Variants in CERS1 observed in about 807,000 individuals in gnomAD.
CERS1 encodes the protein ceramide synthase 1.
CERS1 carries 16 observed loss-of-function variants against 35.7 expected under a neutral mutation model. The ratio of observed to expected loss-of-function variants is 0.45; its 90% CI spans 0.30 to 0.68. CERS1 has a LOEUF of 0.68. CERS1 is among the 30% of genes least tolerant of loss of function. The probability of loss-of-function intolerance (pLI) is 0.08; values close to 1 mark genes in which losing one functional copy is unlikely to be tolerated. For missense variants in CERS1, 454 were observed against 453.9 expected (o/e 1.00, Z 0.00); for synonymous variants, 243 against 201.6 (o/e 1.21, Z -1.74).
chr19:18,868,940 A>G lies in CERS1; in HGVS notation c.*1045T>C. 1 of 1,275,714 alleles carries G rather than the reference A, an allele frequency of 7.8e-7. No homozygotes were observed. Among genetic ancestry groups the G allele is most frequent in the Non-Finnish European group, 9.9e-7 (1 of 1,005,070 alleles). 79.0% of individuals were successfully genotyped at this position (1,275,714 alleles called of 1,614,324 possible). ...ACAAGCGCCCCCGGGGCCGCCGCCC[A>G]ACACGGGTTCGGCGTCGCGCCGCGG... On this transcript the variant is annotated 3_prime_UTR_variant, in exon 8 of 8. Transcript: ENST00000623882.
chr19:18,890,694 T>G (rs2146060416), intron 2 of CERS1, among the ~76,000 whole-genome samples: 1 of 150,830 alleles, frequency 6.6e-6, no homozygotes, highest in Admixed American at 6.7e-5. Flanking sequence ...GGTGGGATGA[T>G]TGCTTGAGCC....
At chr19:18,894,226 A>G (rs1462256073) in intron 1 of CERS1, among the ~76,000 whole-genome samples, 2 of 84,318 alleles carry the variant, frequency 2.4e-5, no homozygotes, top group Non-Finnish European at 4.4e-5. Flanking sequence ...GCTGGCTCCA[A>G]GGCAGGGGTT....
At chr19:18,880,891 G>A (rs1395600401) in intron 3 of CERS1, among the ~76,000 whole-genome samples, 1 of 152,100 alleles carries the variant, frequency 6.6e-6, no homozygotes, top group African/African-American at 2.4e-5. Context: ...TAGAGACTGG[G>A]TCTTGCTATG....
intron 3 of CERS1, chr19:18,883,343 A>G (rs1005668326): frequency 6.6e-6 from 1 of 152,176 alleles, no homozygotes; most frequent in Non-Finnish European, 1.5e-5. Context: ...TTAATTCAGT[A>G]TATCCAAAAT....
intron 6 of CERS1, among the ~76,000 whole-genome samples, chr19:18,872,496 C>CA (rs1479609762): frequency 1.3e-5 from 2 of 151,018 alleles, no homozygotes; most frequent in Non-Finnish European, 3.0e-5. Context: ...TACAGGCATG[C>CA]AACACCATGC....
intron 7 of CERS1, among the ~76,000 whole-genome samples, chr19:18,869,775 G>A (rs1268038365): frequency 2.0e-5 from 3 of 152,282 alleles, no homozygotes; most frequent in African/African-American, 7.2e-5. Context: ...CAAGCAGAAG[G>A]ACTGGTCTTG....
rs143965162 is a variant in CERS1 at position 18,880,571 on chromosome 19, C to T, written c.591-136G>A. The stretch of plus-strand genomic sequence containing the variant: ...CTCTTCAAAGCCACCCTTCCTGCCT[C>T]GCCTGCCCTGCCCATCTCCACTTCC... On this transcript the variant is annotated intron_variant, in intron 3 of 7. Transcript: ENST00000623882. 3.4e-3 allele frequency: 2,713 copies of T among 799,254 alleles called. 42 individuals are homozygous for T. The African/African-American group carries it at 0.04, about 12-fold the overall frequency. The allele number at this position is 799,254 out of a possible 1,614,324, so 49.5% of individuals were successfully genotyped here. A position where few individuals can be genotyped will look rare whatever the true frequency, so the allele number is the denominator to read the frequency against.
chr19:18,874,374 G>C (rs1056135722), intron 6 of CERS1, among the ~76,000 whole-genome samples: 10 of 152,184 alleles, frequency 6.6e-5, no homozygotes, highest in African/African-American at 2.4e-4. Context: ...TGCAGTCATG[G>C]CTCACTGCAG....
At chr19:18,871,550 G>A (rs544653206) in intron 6 of CERS1, among the ~76,000 whole-genome samples, 1 of 152,248 alleles carries the variant, frequency 6.6e-6, no homozygotes, top group East Asian at 1.9e-4. Flanking sequence ...TGTTTGTTGA[G>A]ATGAGGTCGC....
rs758556990 is a variant in CERS1, at chr19:18,884,087, C to T, written c.590G>A (p.Arg197Gln). The T allele has an allele frequency of 4.3e-6, 7 of 1,611,542 alleles. No homozygotes were observed. The highest frequency in any genetic ancestry group is 4.2e-6 in the Non-Finnish European group (5 of 1,178,514). ...CCCTGCCACCCGATCCTGTCCTTAC[C>T]GGAAGGCGTAGGAGGAGACGATGAG... ...LILIVSSYAF[R>Q]YHNVGILVLF... Residue 197 changes from arginine to glutamine, a missense_variant and splice_region_variant, in exon 3 of 8, where the codon CGG becomes CAG. By Grantham distance (43) the Arg-to-Gln change is conservative. Transcript: ENST00000623882.
rs2056597880 is a variant in CERS1 at position 18,895,299 on chromosome 19, G to C, written c.249+525C>G. On this transcript the variant is annotated intron_variant, in intron 1 of 7. Transcript: ENST00000623882. This position sits in a 1 kb window ranked among gnomAD's most constrained non-coding sequence, Gnocchi z 6.4. ...CCGCCGCACGGACCCAGCAGAAAAC[G>C]GGCAGCGGACCTCGCTCCGGGCCGG... 1.3e-5 allele frequency among the ~76,000 whole-genome samples: 2 copies of C among 152,206 alleles called. No homozygotes were observed. The highest frequency in any genetic ancestry group is 4.1e-4 in the South Asian group (2 of 4,838).
At chr19:18,871,951 C>T (rs2055978316) in intron 6 of CERS1, among the ~76,000 whole-genome samples, 1 of 152,224 alleles carries the variant, frequency 6.6e-6, no homozygotes, top group African/African-American at 2.4e-5. Flanking sequence ...TGCATCGACA[C>T]CTTTGGTATA....
chr19:18,876,536 TTG>T lies in CERS1; in HGVS notation c.1010+2392_1010+2393del, dbSNP rs60266196. ...TTTGTTTTGTTTTGTTTTGATTGGGTTGTGTGTGTGTGTGTGTGTGTGTGTGT... is the reference window on the plus strand; with the variant it reads ...TTTGTTTTGTTTTGTTTTGATTGGGTTGTGTGTGTGTGTGTGTGTGTGTGT... On this transcript the variant is annotated intron_variant, in intron 6 of 7. Transcript: ENST00000623882. 6.6e-4 allele frequency among the ~76,000 whole-genome samples: 95 copies of T among 143,228 alleles called. 1 individual carries two copies. Among genetic ancestry groups the T allele is most frequent in the South Asian group, 2.9e-3 (13 of 4,480 alleles). The allele number at this position is 143,228 out of a possible 152,430, so 94.0% of individuals were successfully genotyped here. A position where few individuals can be genotyped will look rare whatever the true frequency, so the allele number is the denominator to read the frequency against.
rs1254662181 is a variant in CERS1 at position 18,896,100 on chromosome 19, G to C, written c.-28C>G. ...CGCCCGCTCGCCCGCCGTGCCCGTC[G>C]CCTGCGCCCGCCCGCGGTAGCCGAC... On this transcript the variant is annotated 5_prime_UTR_variant, in exon 1 of 8. Coordinates refer to ENST00000623882, the MANE Select transcript of CERS1 (RefSeq NM_021267.5). This position sits in a 1 kb window ranked among gnomAD's most constrained non-coding sequence, Gnocchi z 5.9. 2.3e-6 allele frequency: 2 copies of C among 871,650 alleles called. No individual in the cohort carries two copies. Among genetic ancestry groups the C allele is most frequent in the Non-Finnish European group, 2.7e-6 (2 of 729,200 alleles). The allele number at this position is 871,650 out of a possible 1,614,324, so 54.0% of individuals were successfully genotyped here. A position where few individuals can be genotyped will look rare whatever the true frequency, so the allele number is the denominator to read the frequency against.
At chr19:18,881,295 C>T (rs983767279) in intron 3 of CERS1, among the ~76,000 whole-genome samples, 6 of 151,678 alleles carry the variant, frequency 4.0e-5, no homozygotes, top group African/African-American at 1.5e-4. Context: ...TCTCAGCTCA[C>T]CGCAACCTCC....
chr19:18,879,196 C>T (rs371233615), intron 5 of CERS1, 45 bp downstream of exon 5: 24 of 1,610,130 alleles, frequency 1.5e-5, no homozygotes, highest in South Asian at 6.6e-5. Context: ...GGGATTGGGA[C>T]GAGGACGGGA....
intron 2 of CERS1, among the ~76,000 whole-genome samples, chr19:18,886,493 T>C (rs1442460891): frequency 6.6e-6 from 1 of 151,970 alleles, no homozygotes; most frequent in South Asian, 2.1e-4. Context: ...GCAGAGGTGG[T>C]GGCAGGAACT....
chr19:18,870,610 C>T lies in CERS1; in HGVS notation c.1020G>A (p.Leu340=). ...SLKPSKAEKP[L]RNGLVKDKRF ...GCTTGTCCTTCACCAGGCCGTTCCT[C>T]AGTGGCTTCCTGGGGGTCAGAACCG... The change falls in exon 7 of 8, where the codon CTG becomes CTA. Residue 340 remains leucine (L), a synonymous_variant. Transcript: ENST00000623882. The surrounding 1 kb of genome is among the most constrained non-coding windows in gnomAD (Gnocchi z 5.1). 3.5e-6 allele frequency: 2 copies of T among 577,142 alleles called. No individual in the cohort carries two copies. The highest frequency in any genetic ancestry group is 3.1e-5 in the Admixed American group (1 of 32,564). The allele number at this position is 577,142 out of a possible 1,614,324, so 35.8% of individuals were successfully genotyped here.
intron 4 of CERS1, 140 bp from the exon 5 acceptor site, chr19:18,879,528 C>T: frequency 3.8e-6 from 4 of 1,044,024 alleles, no homozygotes; most frequent in Non-Finnish European, 4.1e-6. Context: ...TACTACTGCT[C>T]TGTCCTTCCC....
Sources: gnomAD v4.1 joint callset for allele counts (sites outside exome capture counted in the v4.1 genomes callset) on GRCh38, gnomAD v4.1.1 for gene constraint, Gnocchi (gnomAD v3.1) non-coding constraint, MANE v1.5 for transcripts, NCBI Gene and HGNC (gene_info 2026-07-23, HGNC 2026-07-21) for gene names.